GAS2: variants seen among roughly 807,000 people sequenced by gnomAD.
The protein encoded by GAS2 is growth arrest-specific protein 2.
Under a neutral mutation model 37.5 loss-of-function variants are expected in GAS2, and 20 were observed. The ratio of observed to expected loss-of-function variants is 0.53; its 90% CI spans 0.37 to 0.77. The LOEUF (loss-of-function observed/expected upper bound fraction) is 0.77, where lower values mean the gene tolerates loss of function less well. GAS2 is among the 30% of genes least tolerant of loss of function. The pLI is 0.00. For missense variants in GAS2, 336 were observed against 373.4 expected (o/e 0.90, Z 0.82); for synonymous variants, 144 against 132.2 (o/e 1.09, Z -0.61).
intron 3 of GAS2, among the ~76,000 whole-genome samples, chr11:22,695,673 A>G (rs11026736): frequency 0.042 from 6,378 of 152,298 alleles, 219 homozygotes; most frequent in East Asian, 0.2. Flanking sequence ...TATCACAGCT[A>G]TTCAGTGGAA....
intron 1 of GAS2, among the ~76,000 whole-genome samples, chr11:22,669,521 G>T (rs1031491577): frequency 4.6e-5 from 7 of 151,938 alleles, no homozygotes; most frequent in African/African-American, 1.7e-4. Flanking sequence ...AATCAAGATG[G>T]GACTGTGGGA....
intron 3 of GAS2, among the ~76,000 whole-genome samples, chr11:22,691,879 C>T (rs1439313442): frequency 6.6e-6 from 1 of 152,034 alleles, no homozygotes; most frequent in Non-Finnish European, 1.5e-5. Context: ...TTAAATCCCC[C>T]TGTCACTATT....
chr11:22,766,420 A>G (rs190421592), intron 7 of GAS2, among the ~76,000 whole-genome samples: 38 of 152,308 alleles, frequency 2.5e-4, no homozygotes, highest in African/African-American at 9.1e-4. Flanking sequence ...TTTTAATTAT[A>G]TGCTATTCAT....
In GAS2 at chr11:22,628,074, G is replaced by A. The variant is rs190534518; in HGVS notation, c.-21+2261G>A. ...TAAATTCTTCCTTGAGCATAGTAAC[G>A]TATAAACTCCTACATATTTCAGATT... On this transcript the variant is annotated intron_variant, in intron 1 of 5. Coordinates refer to the GAS2 transcript ENST00000528582. Among the ~76,000 whole-genome samples, 11 of 152,182 alleles carry A rather than the reference G, an allele frequency of 7.2e-5. No individual in the cohort carries two copies. The East Asian group carries it at 1.9e-3, about 27-fold the overall frequency.
chr11:22,761,765 A>G (rs1854404987), intron 7 of GAS2, among the ~76,000 whole-genome samples: 1 of 152,138 alleles, frequency 6.6e-6, no homozygotes, highest in Non-Finnish European at 1.5e-5. Context: ...TCCATTTTAC[A>G]GATGGGGAAA....
chr11:22,685,386 T>C (rs532064539), intron 2 of GAS2, among the ~76,000 whole-genome samples: 1 of 152,326 alleles, frequency 6.6e-6, no homozygotes, highest in South Asian at 2.1e-4. Flanking sequence ...GATTACTAAA[T>C]GATGGAACTC....
At chr11:22,706,010 G>C (rs549184822) in intron 3 of GAS2, among the ~76,000 whole-genome samples, 1 of 152,268 alleles carries the variant, frequency 6.6e-6, no homozygotes, top group African/African-American at 2.4e-5. Context: ...ATGACTTTGA[G>C]GAAGTAAAGG....
chr11:22,801,715 C>G (rs1300209723), intron 7 of GAS2, among the ~76,000 whole-genome samples: 2 of 152,028 alleles, frequency 1.3e-5, no homozygotes, highest in Non-Finnish European at 2.9e-5. Flanking sequence ...TCTGGTGAAC[C>G]ACCTATGTGA....
At chr11:22,732,701 C>T (rs532352860) in intron 4 of GAS2, among the ~76,000 whole-genome samples, 11 of 151,270 alleles carry the variant, frequency 7.3e-5, no homozygotes, top group African/African-American at 2.4e-4. Flanking sequence ...TTATAGATTC[C>T]GGCAGGAGAG....
At chr11:22,683,819 A>T (rs1849814746) in intron 2 of GAS2, among the ~76,000 whole-genome samples, 1 of 152,182 alleles carries the variant, frequency 6.6e-6, no homozygotes, top group Admixed American at 6.5e-5. Flanking sequence ...CATTATGCTT[A>T]CCTCTGTAGG....
At chr11:22,766,407 C>T (rs368835272) in intron 7 of GAS2, among the ~76,000 whole-genome samples, 31 of 152,198 alleles carry the variant, frequency 2.0e-4, no homozygotes, top group African/African-American at 4.3e-4. Context: ...TCAGAGCCCA[C>T]GGTTTTAATT....
intron 3 of GAS2, among the ~76,000 whole-genome samples, chr11:22,714,654 A>G (rs1432328385): frequency 6.6e-6 from 1 of 152,226 alleles, no homozygotes; most frequent in Non-Finnish European, 1.5e-5. Flanking sequence ...AATTGAAATT[A>G]TATCAAGTAC....
At chr11:22,754,893 C>A (rs1440506420) in intron 6 of GAS2, among the ~76,000 whole-genome samples, 1 of 152,138 alleles carries the variant, frequency 6.6e-6, no homozygotes, top group Non-Finnish European at 1.5e-5. Flanking sequence ...TTTGTTCTAT[C>A]TAGCTTCTAA....
intron 7 of GAS2, among the ~76,000 whole-genome samples, chr11:22,789,798 A>G (rs954006266): frequency 2.0e-5 from 3 of 152,032 alleles, no homozygotes; most frequent in African/African-American, 7.2e-5. Flanking sequence ...CTTTGAAACT[A>G]GCAGAAAAGA....
At chr11:22,737,805 C>T (rs368409840) in intron 5 of GAS2, 37 bp downstream of exon 5, 23 of 1,583,230 alleles carry the variant, frequency 1.5e-5, no homozygotes, top group African/African-American at 1.3e-4. Context: ...AAGACATTGA[C>T]GATTTCAGCA....
chr11:22,707,626 A>G (rs904031254), intron 3 of GAS2, among the ~76,000 whole-genome samples: 1 of 152,204 alleles, frequency 6.6e-6, no homozygotes, highest in African/African-American at 2.4e-5. Flanking sequence ...TTGTCCAAAC[A>G]TGGTGCAAAA....
chr11:22,629,506 G>A (rs1043398767), intron 1 of GAS2, among the ~76,000 whole-genome samples: 5 of 152,192 alleles, frequency 3.3e-5, no homozygotes, highest in Non-Finnish European at 7.4e-5. Context: ...ATTCTGGCTG[G>A]GGTAAGGTGG....
chr11:22,669,435 C>T (rs1331013388), intron 1 of GAS2, among the ~76,000 whole-genome samples: 1 of 151,978 alleles, frequency 6.6e-6, no homozygotes, highest in African/African-American at 2.4e-5. Flanking sequence ...AAAATCAATT[C>T]CCATTCAGGT....
chr11:22,663,793 C>T (rs1251538250), upstream of GAS2, among the ~76,000 whole-genome samples: 1 of 152,096 alleles, frequency 6.6e-6, no homozygotes, highest in Non-Finnish European at 1.5e-5. Context: ...TTATTCGTAA[C>T]ACTATTTGTA....
Sources: gnomAD v4.1 joint callset for allele counts (sites outside exome capture counted in the v4.1 genomes callset) on GRCh38, gnomAD v4.1.1 for gene constraint, MANE v1.5 for transcripts, NCBI Gene and HGNC (gene_info 2026-07-23, HGNC 2026-07-21) for gene names.